Variants in MYCBP2 observed in about 807,000 individuals in gnomAD.
MYCBP2 encodes E3 ubiquitin-protein ligase MYCBP2.
Under a neutral mutation model 525.3 loss-of-function variants are expected in MYCBP2, and 120 were observed. The observed-to-expected ratio is 0.23, with a 90% confidence interval of 0.20 to 0.27. The LOEUF (loss-of-function observed/expected upper bound fraction) is 0.27. Among genes scored for constraint, MYCBP2 ranks in the 10% least tolerant of loss-of-function variants. The probability of loss-of-function intolerance (pLI) is 1.00; values close to 1 mark genes in which losing one functional copy is unlikely to be tolerated. For missense variants in MYCBP2, 4,149 were observed against 5,657.1 expected, an observed-to-expected ratio of 0.73 and a Z score of 8.55; for synonymous variants, 1,894 against 1,955.8, an observed-to-expected ratio of 0.97 and a Z score of 0.83.
chr13:77,068,809 G>A lies in MYCBP2; in HGVS notation c.11927C>T (p.Ala3976Val). 1.2e-6 allele frequency: 2 copies of A among 1,613,982 alleles called. No homozygotes were observed. Among genetic ancestry groups the A allele is most frequent in the Non-Finnish European group, 1.7e-6 (2 of 1,180,010 alleles). ...QKQVCAHIVQ[A>V]IRMEATRVRE... Reference sequence around the variant, plus strand: ...GACTCTGGTAGCTTCCATGCGAATAGCTTGGACAATATGAGCACACACCTA... The same window carrying A: ...GACTCTGGTAGCTTCCATGCGAATAACTTGGACAATATGAGCACACACCTA... Residue 3976 changes from alanine to valine, a missense_variant, in exon 70 of 83, where the codon GCT (alanine) becomes GTT (valine). Ala to Val is a moderately conservative substitution (Grantham distance 64). This residue lies in a region of MYCBP2 where 64 missense variants were observed against 131.2 expected (regional missense o/e 0.49). Transcript: ENST00000544440.
At chr13:77,175,612 T>C (rs1445513239) in intron 36 of MYCBP2, among the ~76,000 whole-genome samples, 4 of 152,228 alleles carry the variant, frequency 2.6e-5, no homozygotes, top group Non-Finnish European at 5.9e-5. Flanking sequence ...TTTAATTTTA[T>C]TTTAACATCT....
intron 68 of MYCBP2, among the ~76,000 whole-genome samples, chr13:77,071,269 A>ATG (rs1555305915): frequency 8.1e-6 from 1 of 122,836 alleles, no homozygotes; most frequent in Non-Finnish European, 1.7e-5. Flanking sequence ...GTGTGTGCAC[A>ATG]CGCACACACA....
chr13:77,146,463 G>C (rs1299505759), intron 47 of MYCBP2, among the ~76,000 whole-genome samples: 1 of 150,952 alleles, frequency 6.6e-6, no homozygotes, highest in African/African-American at 2.4e-5. Flanking sequence ...CATCTTTTGA[G>C]TACATTAAAA....
chr13:77,307,792 G>A (rs1038562156), intron 1 of MYCBP2, among the ~76,000 whole-genome samples: 6 of 151,742 alleles, frequency 4.0e-5, no homozygotes, highest in African/African-American at 1.5e-4. Flanking sequence ...TCCTACATAC[G>A]ATAACTACCA....
At chr13:77,139,410 G>A (rs1039517109) in intron 51 of MYCBP2, 74 bp from the exon 52 acceptor site, 4 of 1,489,160 alleles carry the variant, frequency 2.7e-6, no homozygotes, top group Non-Finnish European at 3.6e-6. Flanking sequence ...CTGAAAGTCT[G>A]CAAAGCAGAA....
chr13:77,095,024 A>G (rs1321098893), intron 58 of MYCBP2, among the ~76,000 whole-genome samples: 1 of 152,194 alleles, frequency 6.6e-6, no homozygotes, highest in African/African-American at 2.4e-5. Flanking sequence ...AAAGACTGCT[A>G]AGGAAACACA....
At chr13:77,244,099 A>G (rs1307128951) in intron 15 of MYCBP2, 148 bp from the exon 16 acceptor site, 9 of 895,668 alleles carry the variant, frequency 1.0e-5, no homozygotes, top group African/African-American at 1.7e-5. Flanking sequence ...ACGATTGTTC[A>G]TTTTAAAGAA....
chr13:77,163,672 C>A (rs1445424399), intron 43 of MYCBP2, among the ~76,000 whole-genome samples: 1 of 152,140 alleles, frequency 6.6e-6, no homozygotes, highest in Non-Finnish European at 1.5e-5. Context: ...ATGAAAAATT[C>A]TTCTAAAGAG....
intron 17 of MYCBP2, among the ~76,000 whole-genome samples, chr13:77,236,322 GACA>G (rs2067926785): frequency 6.6e-6 from 1 of 152,188 alleles, no homozygotes; most frequent in Non-Finnish European, 1.5e-5. Context: ...CTCATGTGTA[GACA>G]ATGGGTAATT....
chr13:77,048,650 A>G (rs540360279), intron 82 of MYCBP2, among the ~76,000 whole-genome samples: 1 of 152,084 alleles, frequency 6.6e-6, no homozygotes, highest in Non-Finnish European at 1.5e-5. Flanking sequence ...TCAATTTTCC[A>G]TTTGATAACA....
intron 55 of MYCBP2, chr13:77,118,656 A>C: frequency 1.9e-6 from 1 of 530,820 alleles, no homozygotes; most frequent in Non-Finnish European, 3.3e-6. Flanking sequence ...TCATCCTCAG[A>C]TTAGGGACCG....
chr13:77,069,832 C>T (rs892696808), intron 69 of MYCBP2, among the ~76,000 whole-genome samples: 12 of 151,376 alleles, frequency 7.9e-5, no homozygotes, highest in African/African-American at 2.9e-4. Flanking sequence ...CGCACCACTG[C>T]ACTCCAGCCT....
rs555993687 is a variant in MYCBP2 at position 77,173,900 on chromosome 13, C to T, written c.5651+411G>A. 1.1e-4 allele frequency among the ~76,000 whole-genome samples: 16 copies of T among 152,288 alleles called. No individual in the cohort carries two copies. In the South Asian group the frequency reaches 2.3e-3, roughly 22 times the overall value. ...GGGCAGGTCCAAGATTCACAGACAT[C>T]AAAATATTCTGTGACTAGATAACAA... On this transcript the variant is annotated intron_variant, in intron 37 of 82. Transcript: ENST00000544440.
At chr13:77,295,050 GCAGCCT>G (rs1391353183) in intron 2 of MYCBP2, among the ~76,000 whole-genome samples, 1 of 152,188 alleles carries the variant, frequency 6.6e-6, no homozygotes, top group Non-Finnish European at 1.5e-5. Flanking sequence ...GGAGCTACTG[GCAGCCT>G]CAGCCTCAGT....
At chr13:77,130,599 C>T (rs1594784098) in intron 52 of MYCBP2, among the ~76,000 whole-genome samples, 1 of 151,984 alleles carries the variant, frequency 6.6e-6, no homozygotes, top group Non-Finnish European at 1.5e-5. Context: ...ATAGGGAATA[C>T]GTCCTTTCTC....
At chr13:77,092,904 C>G (rs1291028235) in intron 59 of MYCBP2, among the ~76,000 whole-genome samples, 1 of 152,198 alleles carries the variant, frequency 6.6e-6, no homozygotes, top group East Asian at 1.9e-4. Flanking sequence ...CTTCCCTACT[C>G]TGATTTACTA....
Position 77,077,234 on chromosome 13 carries a change from T to C in MYCBP2, c.11638A>G (p.Ile3880Val), listed in dbSNP as rs756067055. The C allele has an allele frequency of 6.2e-6, 10 of 1,614,074 alleles. No individual in the cohort carries two copies. Among genetic ancestry groups the C allele is most frequent in the Non-Finnish European group, 8.5e-7 (1 of 1,179,954 alleles). ...ACACTGGCTGAAATCTGGCCAGCTA[T>C]TTTTGTGCTTTCACCATCTTTCCAG... ...LGWKDGESTKIAGQISASVAQ... is the reference protein window; with the variant it reads ...LGWKDGESTKVAGQISASVAQ... Residue 3880 changes from isoleucine to valine, a missense_variant, in exon 67 of 83, where the codon ATA becomes GTA. Physicochemically the swap from Ile to Val is conservative, Grantham distance 29 (BLOSUM62 3). Coordinates refer to ENST00000544440, the MANE Select transcript of MYCBP2 (RefSeq NM_015057.5).
At chr13:77,159,815 T>C (rs571618830) in intron 44 of MYCBP2, among the ~76,000 whole-genome samples, 7 of 152,298 alleles carry the variant, frequency 4.6e-5, no homozygotes, top group South Asian at 2.1e-4. Context: ...TAGTTCTTTA[T>C]AGCAGTGTGA....
At chr13:77,107,117 T>C (rs1043530181) in intron 55 of MYCBP2, among the ~76,000 whole-genome samples, 1 of 152,148 alleles carries the variant, frequency 6.6e-6, no homozygotes, top group Admixed American at 6.6e-5. Flanking sequence ...ATGGGAACAG[T>C]GTTGCTGACT....
Sources: gnomAD v4.1 joint callset for allele counts (sites outside exome capture counted in the v4.1 genomes callset) on GRCh38, gnomAD v4.1.1 for gene constraint, gnomAD v4.1.1 regional missense constraint, MANE v1.5 for transcripts, NCBI Gene and HGNC (gene_info 2026-07-23, HGNC 2026-07-21) for gene names.